The following THSD7B variants were observed in gnomAD, a reference collection of about 807,000 sequenced individuals.
The protein encoded by THSD7B is thrombospondin type 1 domain containing 7B.
In THSD7B, 138 loss-of-function variants were observed where a neutral mutation model predicts 213.6. The ratio of observed to expected loss-of-function variants is 0.65; its 90% confidence interval spans 0.56 to 0.74. The LOEUF is 0.74. Among genes scored for constraint, THSD7B ranks in the 30% least tolerant of loss-of-function variants. THSD7B has a pLI of 0.00. For synonymous variants in THSD7B, 742 were observed against 687.0 expected (o/e 1.08, Z -1.25); for missense variants, 1,931 against 1,991.5 (o/e 0.97, Z 0.58).
At chr2:137,302,246 G>T (rs1013981403) in intron 12 of THSD7B, among the ~76,000 whole-genome samples, 1 of 151,970 alleles carries the variant, frequency 6.6e-6, no homozygotes, top group Admixed American at 6.6e-5. Flanking sequence ...AGACTCCAAG[G>T]ACTGAAACAA....
At chr2:136,920,447 G>A (rs1307912084) in intron 2 of THSD7B, among the ~76,000 whole-genome samples, 1 of 152,198 alleles carries the variant, frequency 6.6e-6, no homozygotes, top group Admixed American at 6.5e-5. Flanking sequence ...ATCTCAATGA[G>A]TGAGACTGGT....
intron 12 of THSD7B, among the ~76,000 whole-genome samples, chr2:137,313,903 A>T (rs1483449058): frequency 6.6e-6 from 1 of 151,920 alleles, no homozygotes; most frequent in South Asian, 2.1e-4. Flanking sequence ...CTTCCCTTTG[A>T]GCGTAACCCG....
intron 2 of THSD7B, among the ~76,000 whole-genome samples, chr2:136,996,341 TTTTTC>T (rs1422766328): frequency 3.1e-4 from 47 of 152,246 alleles, no homozygotes; most frequent in African/African-American, 1.1e-3. Flanking sequence ...CTTTTTTTCT[TTTTTC>T]TTTTCTTTTT....
In THSD7B at chr2:137,242,559, G is replaced by A; in HGVS notation, c.2253G>A (p.Arg751=). The A allele has an allele frequency of 1.2e-6, 2 of 1,613,436 alleles. No individual in the cohort carries two copies. The highest frequency in any genetic ancestry group is 8.5e-7 in the Non-Finnish European group (1 of 1,179,516). The change falls in exon 10 of 28, where the codon AGG becomes AGA. Residue 751 remains arginine (R), a synonymous_variant. Transcript: ENST00000409968. ...TCAGTGAGTGGACACCCTGCCCAAG[G>A]ATGTGCCAAGCAGGTAGGTGGATGC... ...TAFSEWTPCP[R]MCQAGNATVK...
At chr2:137,515,766 T>G (rs1274105640) in intron 15 of THSD7B, among the ~76,000 whole-genome samples, 1 of 152,180 alleles carries the variant, frequency 6.6e-6, no homozygotes, top group East Asian at 1.9e-4. Flanking sequence ...TGACTCACTG[T>G]GAGTGAGCTG....
At chr2:136,942,701 A>T (rs1227078606) in intron 2 of THSD7B, among the ~76,000 whole-genome samples, 1 of 152,152 alleles carries the variant, frequency 6.6e-6, no homozygotes, top group African/African-American at 2.4e-5. Context: ...CATTGATTTT[A>T]TATCCTGAGA....
At chr2:137,124,667 T>C (rs1303768418) in intron 5 of THSD7B, among the ~76,000 whole-genome samples, 1 of 152,190 alleles carries the variant, frequency 6.6e-6, no homozygotes, top group Non-Finnish European at 1.5e-5. Context: ...CCATGTGGAA[T>C]ATATAATTGT....
At chr2:137,498,239 C>T (rs1181983283) in intron 15 of THSD7B, among the ~76,000 whole-genome samples, 2 of 152,166 alleles carry the variant, frequency 1.3e-5, no homozygotes, top group Admixed American at 6.5e-5. Context: ...AGCTCCCCAT[C>T]ATGTGCCAAG....
At chr2:137,435,279 A>T (rs1687269209) in intron 14 of THSD7B, among the ~76,000 whole-genome samples, 1 of 152,186 alleles carries the variant, frequency 6.6e-6, no homozygotes, top group Admixed American at 6.5e-5. Context: ...TTTTAAGGGT[A>T]TGCCATGTGT....
At chr2:136,981,258 G>A (rs183679923) in intron 2 of THSD7B, among the ~76,000 whole-genome samples, 142 of 152,242 alleles carry the variant, frequency 9.3e-4, no homozygotes, top group African/African-American at 3.3e-3. Flanking sequence ...GTGAATGGTG[G>A]TAAGTGCTGC....
At position 137,450,938 on chromosome 2, in the gene THSD7B, T is replaced by C. The variant is rs763876801; in HGVS notation, c.3053T>C (p.Ile1018Thr). ...SWGSCSSSCGIGVRIRSKWLK... is the reference protein window; with the variant it reads ...SWGSCSSSCGTGVRIRSKWLK... Reference sequence around the variant, plus strand: ...GGGTCTTGCAGTTCATCTTGTGGAATTGGAGTGAGAATTCGATCCAAATGG... The same window carrying C: ...GGGTCTTGCAGTTCATCTTGTGGAACTGGAGTGAGAATTCGATCCAAATGG... Residue 1018 changes from isoleucine (I) to threonine (T), a missense_variant, in exon 15 of 28, where the codon ATT becomes ACT. Ile to Thr is a moderately conservative substitution (Grantham distance 89, BLOSUM62 -1). Transcript: ENST00000409968. The C allele has an allele frequency of 5.6e-5, 91 of 1,613,500 alleles. No individual in the cohort carries two copies. The highest frequency in any genetic ancestry group is 6.6e-5 in the Non-Finnish European group (78 of 1,179,690).
chr2:136,775,370 A>G (rs1173288745), intron 1 of THSD7B, among the ~76,000 whole-genome samples: 4 of 152,154 alleles, frequency 2.6e-5, no homozygotes. Context: ...TACTCCTGTG[A>G]CTGGATCAGC....
intron 10 of THSD7B, 68 bp from the exon 11 acceptor site, chr2:137,272,465 G>A (rs1489547104): frequency 2.8e-6 from 4 of 1,442,028 alleles, no homozygotes; most frequent in Non-Finnish European, 2.8e-6. Flanking sequence ...TTTTTCAATT[G>A]CTACCTGGAT....
chr2:137,309,287 G>GT (rs201538097), intron 12 of THSD7B, among the ~76,000 whole-genome samples: 11,380 of 151,092 alleles, frequency 0.075, 628 homozygotes, highest in African/African-American at 0.14. Context: ...ACTTCTCAGA[G>GT]TTTTTTTTCA....
rs1362509443 is a variant in THSD7B, at chr2:136,860,611, A to C, written c.-35-21533A>C. 2.0e-5 allele frequency among the ~76,000 whole-genome samples: 3 copies of C among 152,178 alleles called. No individual in the cohort carries two copies. In the East Asian group the frequency reaches 5.8e-4, roughly 29 times the overall value. On this transcript the variant is annotated intron_variant, in intron 1 of 27. Transcript: ENST00000409968. The stretch of plus-strand genomic sequence containing the variant: ...CTTCTTTCTTACTGACATCTAATCC[A>C]TCAGCAAATCTTGCTGTCACTACCT...
chr2:136,843,283 C>T (rs537661016), intron 1 of THSD7B, among the ~76,000 whole-genome samples: 1 of 152,114 alleles, frequency 6.6e-6, no homozygotes, highest in Non-Finnish European at 1.5e-5. Flanking sequence ...TTTATTAAGT[C>T]TGTTCAAACA....
At chr2:137,288,014 C>T (rs1487898167) in intron 12 of THSD7B, among the ~76,000 whole-genome samples, 2 of 152,106 alleles carry the variant, frequency 1.3e-5, no homozygotes, top group Non-Finnish European at 2.9e-5. Flanking sequence ...TCCCTTAACA[C>T]TTAGATTCCT....
In THSD7B at chr2:137,249,780, G is replaced by A. The variant is rs561260315; in HGVS notation, c.2266+7208G>A. ...TAGGGCTTATCTGTTTTTATCCCAC[G>A]ACAACGAGCTACTTGCTACATCCAT... On this transcript the variant is annotated intron_variant, in intron 10 of 27. Transcript: ENST00000409968. Among the ~76,000 whole-genome samples the A allele has an allele frequency of 6.6e-5, 10 of 152,268 alleles. No homozygotes were observed. In the South Asian group the frequency reaches 1.9e-3, roughly 28 times the overall value.
At chr2:137,323,850 G>C (rs754822069) in intron 12 of THSD7B, among the ~76,000 whole-genome samples, 1 of 152,174 alleles carries the variant, frequency 6.6e-6, no homozygotes, top group Non-Finnish European at 1.5e-5. Flanking sequence ...ATGAGATTCT[G>C]TTTGACAAAA....
Sources: allele counts gnomAD v4.1 joint callset (sites outside exome capture counted in the v4.1 genomes callset), GRCh38; gene constraint gnomAD v4.1.1; transcripts MANE v1.5; gene names NCBI Gene and HGNC (gene_info 2026-07-23, HGNC 2026-07-21).